IFT74: variants seen among roughly 807,000 people sequenced by gnomAD.
The protein encoded by IFT74 is intraflagellar transport protein 74 homolog.
In IFT74, 92 loss-of-function variants were observed where a neutral mutation model predicts 96.7. The ratio of observed to expected loss-of-function variants is 0.95; its 90% CI spans 0.80 to 1.13. The LOEUF (loss-of-function observed/expected upper bound fraction) is 1.13. Ranked by LOEUF, IFT74 falls within the 50% of genes most tolerant of loss-of-function variation. The probability of loss-of-function intolerance (pLI) is 0.00; values close to 1 mark genes in which losing one functional copy is unlikely to be tolerated. For synonymous variants in IFT74, 223 were observed against 213.2 expected (o/e 1.05, Z -0.40); for missense variants, 811 against 698.2 (o/e 1.16, Z -1.82).
At chr9:27,053,737 T>A (rs757376070) in intron 16 of IFT74, among the ~76,000 whole-genome samples, 2 of 152,232 alleles carry the variant, frequency 1.3e-5, no homozygotes, top group Non-Finnish European at 2.9e-5. Context: ...GTATGGTTCT[T>A]AAATGTATTT....
At chr9:27,015,181 T>C (rs1829283170) in intron 10 of IFT74, among the ~76,000 whole-genome samples, 2 of 152,304 alleles carry the variant, frequency 1.3e-5, no homozygotes, top group Non-Finnish European at 2.9e-5. Flanking sequence ...TAGCATAAAA[T>C]ATCTGCATTT....
At position 27,055,665 on chromosome 9, in the gene IFT74, A is replaced by G. The variant is rs1346059241; in HGVS notation, c.1390A>G (p.Thr464Ala). Residue 464 changes from threonine (T) to alanine (A), a missense_variant, in exon 17 of 20, where the codon ACT (threonine) becomes GCT (alanine). Coordinates refer to ENST00000380062, the MANE Select transcript of IFT74 (RefSeq NM_025103.4). ...AATGGAGCTTCTAGAAAGTAAGATG[A>G]CTGAAGAACAGCATTCTCTAAAAAG... ...QKMELLESKM[T>A]EEQHSLKSKI... 12 of 1,592,426 alleles carry G rather than the reference A, an allele frequency of 7.5e-6. No homozygotes were observed. The highest frequency in any genetic ancestry group is 3.6e-5 in the Admixed American group (2 of 55,336).
At chr9:26,969,883 G>T (rs1826810349) in intron 2 of IFT74, among the ~76,000 whole-genome samples, 1 of 152,048 alleles carries the variant, frequency 6.6e-6, no homozygotes, top group Non-Finnish European at 1.5e-5. Flanking sequence ...GCTTGTCCTG[G>T]AAATACTTTA....
chr9:27,031,020 T>A (rs1207183869), intron 13 of IFT74, among the ~76,000 whole-genome samples: 1 of 152,180 alleles, frequency 6.6e-6, no homozygotes, highest in South Asian at 2.1e-4. Flanking sequence ...AATCTTGCTG[T>A]GTTGGCCAGG....
In IFT74 at chr9:26,997,770, A is replaced by G. The variant is rs374714880; in HGVS notation, c.587+7575A>G. The G allele has an allele frequency of 1.8e-4, 285 of 1,611,394 alleles. No individual in the cohort carries two copies. The highest frequency in any genetic ancestry group is 8.3e-4 in the Middle Eastern group (5 of 6,016). On this transcript the variant is annotated intron_variant, in intron 8 of 19. Transcript: ENST00000380062. ...GTGTTCAACCAGTTCTGCAAATTAA[A>G]TAGACTGCAAGAGCAGTTCCATAGG... is the stretch of plus-strand genomic sequence containing the variant.
chr9:26,963,011 G>A (rs985682617), intron 2 of IFT74, among the ~76,000 whole-genome samples: 3 of 150,012 alleles, frequency 2.0e-5, no homozygotes, highest in South Asian at 2.1e-4. Flanking sequence ...ACATTGTGCA[G>A]GTTAGTTACA....
chr9:26,949,348 T>G (rs1001693035), intron 1 of IFT74, among the ~76,000 whole-genome samples: 45 of 152,226 alleles, frequency 3.0e-4, no homozygotes, highest in African/African-American at 1.1e-3. Flanking sequence ...TAGGTTGAGA[T>G]AGTTCCAGCT....
intron 18 of IFT74, among the ~76,000 whole-genome samples, chr9:27,059,181 C>T (rs572868309): frequency 1.3e-4 from 20 of 152,244 alleles, no homozygotes; most frequent in Admixed American, 7.2e-4. Context: ...GCCACAATTT[C>T]GAATCCTTCT....
In IFT74 at chr9:27,018,675, G is replaced by T; in HGVS notation, c.962G>T (p.Ser321Ile). Residue 321 changes from serine (S) to isoleucine (I), a missense_variant, in exon 12 of 20, where the codon AGC (serine) becomes ATC (isoleucine). Ser to Ile is a moderately radical substitution (Grantham distance 142). Transcript: ENST00000380062. ...AAAGATGATAATCAGGAAATAGCCA[G>T]CATGGAAAGACAGTAAGTATCTTTA... is the stretch of plus-strand genomic sequence containing the variant. The part of the protein sequence containing the change: ...QIKDDNQEIA[S>I]MERQLTDTKE... The T allele has an allele frequency of 6.5e-7, 1 of 1,531,550 alleles. No homozygotes were observed. Among genetic ancestry groups the T allele is most frequent in the Non-Finnish European group, 8.9e-7 (1 of 1,118,420 alleles). 94.9% of individuals were successfully genotyped at this position (1,531,550 alleles called of 1,614,324 possible).
chr9:26,980,582 C>A lies in IFT74; in HGVS notation c.268C>A (p.Gln90Lys), dbSNP rs1278702890. ...MKTGTKGPQR[Q>K]ILDKSYYLGL... Reference sequence around the variant, plus strand: ...ACATTTTTTTTTAGGTCCCCAGAGGCAAATTTTAGACAAATCTTACTATCT... The same window carrying A: ...ACATTTTTTTTTAGGTCCCCAGAGGAAAATTTTAGACAAATCTTACTATCT... The change falls in exon 4 of 20, where the codon CAA (glutamine) becomes AAA (lysine). Residue 90 changes from glutamine (Q) to lysine (K), a missense_variant. Physicochemically the swap from Gln to Lys is moderately conservative, Grantham distance 53. Transcript: ENST00000380062. 6.2e-7 allele frequency: 1 copy of A among 1,605,606 alleles called. No individual in the cohort carries two copies. Among genetic ancestry groups the A allele is most frequent in the South Asian group, 1.1e-5 (1 of 90,810 alleles).
chr9:27,001,102 C>T (rs1005967959), intron 8 of IFT74, among the ~76,000 whole-genome samples: 4 of 152,038 alleles, frequency 2.6e-5, no homozygotes, highest in Non-Finnish European at 4.4e-5. Flanking sequence ...TAATGACCTC[C>T]GGTTCCGTTT....
intron 18 of IFT74, among the ~76,000 whole-genome samples, chr9:27,058,093 C>CTT (rs952005404): frequency 6.9e-6 from 1 of 143,902 alleles, no homozygotes; most frequent in East Asian, 2.0e-4. Flanking sequence ...TTTCAGCCTT[C>CTT]TTTTTTTTTT....
chr9:26,988,576 A>T, intron 6 of IFT74, 93 bp from the exon 7 acceptor site: 1 of 1,172,494 alleles, frequency 8.5e-7, no homozygotes, highest in South Asian at 1.6e-5. Flanking sequence ...ACTACTCATT[A>T]TTTGTAAGAC....
chr9:27,049,503 T>C (rs1164284655), intron 16 of IFT74, among the ~76,000 whole-genome samples: 1 of 152,202 alleles, frequency 6.6e-6, no homozygotes, highest in African/African-American at 2.4e-5. Flanking sequence ...TAGAAGGTGG[T>C]GCATGAAATC....
chr9:27,001,454 TCG>T (rs1828484445), intron 8 of IFT74, among the ~76,000 whole-genome samples: 1 of 152,194 alleles, frequency 6.6e-6, no homozygotes, highest in African/African-American at 2.4e-5. Flanking sequence ...TTTCTCCACA[TCG>T]TCACCAGCAT....
chr9:26,967,474 GT>G (rs1238671935), intron 2 of IFT74, among the ~76,000 whole-genome samples: 2 of 152,024 alleles, frequency 1.3e-5, no homozygotes, highest in East Asian at 3.9e-4. Flanking sequence ...CTATTTATCA[GT>G]TCAGATAGTT....
At chr9:27,012,939 G>A (rs922461603) in intron 10 of IFT74, among the ~76,000 whole-genome samples, 2 of 151,854 alleles carry the variant, frequency 1.3e-5, no homozygotes, top group Non-Finnish European at 2.9e-5. Context: ...GGATGGTCTC[G>A]ATCTCCTGAC....
chr9:26,961,856 ATTG>A, intron 1 of IFT74, 90 bp from the exon 2 acceptor site: 1 of 1,362,914 alleles, frequency 7.3e-7, no homozygotes, highest in Non-Finnish European at 1.0e-6. Flanking sequence ...TGCAAGAACA[ATTG>A]TTGTGAATTA....
intron 9 of IFT74, among the ~76,000 whole-genome samples, chr9:27,009,997 A>ATT (rs1433751874): frequency 1.3e-5 from 2 of 148,308 alleles, no homozygotes; most frequent in Admixed American, 1.3e-4. Flanking sequence ...TTTAAAAAAA[A>ATT]TTTTTTTTTT....
Sources: gnomAD v4.1 joint callset for allele counts (sites outside exome capture counted in the v4.1 genomes callset) on GRCh38, gnomAD v4.1.1 for gene constraint, MANE v1.5 for transcripts, NCBI Gene and HGNC (gene_info 2026-07-23, HGNC 2026-07-21) for gene names.